Variants in ASAP1 observed in about 807,000 individuals in gnomAD.
ASAP1 encodes the protein ArfGAP with SH3 domain, ankyrin repeat and PH domain 1.
Under a neutral mutation model 145.2 loss-of-function variants are expected in ASAP1, and 43 were observed. That is an observed-to-expected ratio of 0.30 (90% CI 0.23 to 0.38). The LOEUF is 0.38. ASAP1 is among the 10% of genes least tolerant of loss of function. The probability of loss-of-function intolerance (pLI) is 1.00; values close to 1 mark genes in which losing one functional copy is unlikely to be tolerated. For synonymous variants in ASAP1, 546 were observed against 515.5 expected (o/e 1.06, Z -0.80); for missense variants, 1,018 against 1,355.3 (o/e 0.75, Z 3.91).
intron 9 of ASAP1, among the ~76,000 whole-genome samples, chr8:130,173,193 G>C (rs1316466887): frequency 6.6e-6 from 1 of 152,216 alleles, no homozygotes; most frequent in Admixed American, 6.5e-5. Flanking sequence ...GTTTTGGTAA[G>C]AAATAGGAGC....
chr8:130,141,219 G>A (rs980691770), intron 13 of ASAP1, among the ~76,000 whole-genome samples: 3 of 152,192 alleles, frequency 2.0e-5, no homozygotes, highest in African/African-American at 7.2e-5. Flanking sequence ...TTGAGTCCTT[G>A]CTGTTGATTC....
intron 11 of ASAP1, among the ~76,000 whole-genome samples, chr8:130,164,052 G>T (rs1032927641): frequency 2.6e-5 from 4 of 152,084 alleles, no homozygotes; most frequent in Admixed American, 1.3e-4. Context: ...CTAATGCAAG[G>T]TATCAATGGA....
intron 18 of ASAP1, among the ~76,000 whole-genome samples, chr8:130,123,088 G>A (rs1266074542): frequency 1.3e-5 from 2 of 152,128 alleles, no homozygotes; most frequent in African/African-American, 4.8e-5. Flanking sequence ...TCTGCATAGT[G>A]TTCTGTTGTG....
chr8:130,396,334 C>T (rs1828528647), intron 2 of ASAP1, among the ~76,000 whole-genome samples: 1 of 152,154 alleles, frequency 6.6e-6, no homozygotes, highest in South Asian at 2.1e-4. Context: ...AGTGTAGGAC[C>T]TGGCACACAG....
At chr8:130,076,771 C>A (rs1011341459) in intron 26 of ASAP1, among the ~76,000 whole-genome samples, 6 of 152,328 alleles carry the variant, frequency 3.9e-5, no homozygotes, top group Admixed American at 3.3e-4. Flanking sequence ...CCACCCACCT[C>A]AGCCTTCCAA....
intron 7 of ASAP1, among the ~76,000 whole-genome samples, chr8:130,186,598 C>T (rs1814746529): frequency 6.6e-6 from 1 of 152,136 alleles, no homozygotes; most frequent in African/African-American, 2.4e-5. Flanking sequence ...TAATCCCTAA[C>T]AAGAACTCCA....
Position 130,074,917 on chromosome 8 carries a change from G to A in ASAP1, c.2701+1431C>T, listed in dbSNP as rs142153502. Among the ~76,000 whole-genome samples the A allele has an allele frequency of 3.7e-3, 561 of 152,318 alleles. 6 individuals carry two copies. The highest frequency in any genetic ancestry group is 0.013 in the African/African-American group (534 of 41,578). Reference sequence around the variant, plus strand: ...TGAGTGGCAGAACCCAGCACAGGAGGGGCAGGAGCTGAGGGAGCACATCAG... The same window carrying A: ...TGAGTGGCAGAACCCAGCACAGGAGAGGCAGGAGCTGAGGGAGCACATCAG... On this transcript the variant is annotated intron_variant, in intron 27 of 29. Transcript: ENST00000518721.
chr8:130,307,753 C>G (rs1440922845), intron 3 of ASAP1, among the ~76,000 whole-genome samples: 1 of 152,118 alleles, frequency 6.6e-6, no homozygotes, highest in Non-Finnish European at 1.5e-5. Flanking sequence ...ATGAGAAAAC[C>G]AAAAGCCTGC....
At chr8:130,185,002 T>G (rs1814621792) in intron 7 of ASAP1, among the ~76,000 whole-genome samples, 1 of 151,984 alleles carries the variant, frequency 6.6e-6, no homozygotes, top group African/African-American at 2.4e-5. Flanking sequence ...GCCTCCAGAG[T>G]TCCAAATAGA....
At chr8:130,227,712 T>C (rs1273356977) in intron 4 of ASAP1, among the ~76,000 whole-genome samples, 1 of 151,238 alleles carries the variant, frequency 6.6e-6, no homozygotes, top group Non-Finnish European at 1.5e-5. Context: ...ATATTGTTTA[T>C]ATAAATCAAT....
chr8:130,351,299 A>G (rs1825978527), intron 3 of ASAP1, among the ~76,000 whole-genome samples: 1 of 152,252 alleles, frequency 6.6e-6, no homozygotes, highest in Admixed American at 6.5e-5. Flanking sequence ...TCTACCATTT[A>G]CCACTGTGTG....
intron 3 of ASAP1, among the ~76,000 whole-genome samples, chr8:130,331,954 G>C (rs1824719758): frequency 1.3e-5 from 2 of 152,094 alleles, no homozygotes; most frequent in South Asian, 4.1e-4. Flanking sequence ...CCAAGGTCTA[G>C]GTTTGCTTTC....
chr8:130,060,775 A>G lies in ASAP1; in HGVS notation c.2996T>C (p.Leu999Pro). Reference sequence around the variant, plus strand: ...GACATCTCCAGTCTGGGATTTTGCTAGCAGGTCTCCCAGCTGTGGTTTGGG... The same window carrying G: ...GACATCTCCAGTCTGGGATTTTGCTGGCAGGTCTCCCAGCTGTGGTTTGGG... ...LPPKPQLGDL[L>P]AKSQTGDVSP... Residue 999 changes from leucine (L) to proline (P), a missense_variant, in exon 28 of 30, where the codon CTA (leucine) becomes CCA (proline). Leu to Pro is a moderately conservative substitution (Grantham distance 98, BLOSUM62 -3). This residue lies in a region of ASAP1 where 139 missense variants were observed against 131.0 expected (regional missense o/e 1.06). Transcript: ENST00000518721. 1 of 1,614,088 alleles carries G rather than the reference A, an allele frequency of 6.2e-7. No homozygotes were observed. Among genetic ancestry groups the G allele is most frequent in the Non-Finnish European group, 8.5e-7 (1 of 1,180,024 alleles).
intron 3 of ASAP1, among the ~76,000 whole-genome samples, chr8:130,281,693 G>A (rs1821255783): frequency 6.6e-6 from 1 of 152,174 alleles, no homozygotes; most frequent in Non-Finnish European, 1.5e-5. Context: ...CACAATCATG[G>A]CATGTGAACT....
chr8:130,189,686 T>C (rs972647987), intron 5 of ASAP1, among the ~76,000 whole-genome samples: 5 of 152,234 alleles, frequency 3.3e-5, no homozygotes, highest in African/African-American at 1.2e-4. Context: ...CTGGGATTCC[T>C]GGATCTTATG....
At chr8:130,441,029 A>T (rs1461701616) in intron 1 of ASAP1, among the ~76,000 whole-genome samples, 1 of 152,250 alleles carries the variant, frequency 6.6e-6, no homozygotes, top group Non-Finnish European at 1.5e-5. Flanking sequence ...CTGTATCATC[A>T]GGACTCCACA....
intron 15 of ASAP1, among the ~76,000 whole-genome samples, chr8:130,129,150 G>T (rs1325312521): frequency 1.3e-5 from 2 of 152,162 alleles, no homozygotes; most frequent in African/African-American, 4.8e-5. Context: ...AGACATGTTT[G>T]CTGCCCTTCC....
intron 27 of ASAP1, 46 bp from the exon 28 acceptor site, chr8:130,061,115 G>A: frequency 8.6e-6 from 13 of 1,516,710 alleles, no homozygotes; most frequent in Non-Finnish European, 1.1e-5. Flanking sequence ...GGGAAGGGCT[G>A]CTTTCCTGTC....
chr8:130,381,178 G>A (rs1486819932), intron 2 of ASAP1, among the ~76,000 whole-genome samples: 1 of 152,188 alleles, frequency 6.6e-6, no homozygotes, highest in South Asian at 2.1e-4. Flanking sequence ...GAGCCACTGC[G>A]CTCAGCCCCA....
Sources: allele counts gnomAD v4.1 joint callset (sites outside exome capture counted in the v4.1 genomes callset), GRCh38; gene constraint gnomAD v4.1.1; regional missense constraint gnomAD v4.1.1; transcripts MANE v1.5; gene names NCBI Gene and HGNC (gene_info 2026-07-23, HGNC 2026-07-21).